PAM: variants seen among roughly 807,000 people sequenced by gnomAD.
PAM encodes the protein peptidyl-glycine alpha-amidating monooxygenase.
In PAM, 72 loss-of-function variants were observed where a neutral mutation model predicts 122.1. The observed-to-expected ratio is 0.59, with a 90% CI of 0.49 to 0.72. The LOEUF (loss-of-function observed/expected upper bound fraction) is 0.72. PAM is among the 30% of genes least tolerant of loss of function. PAM has a pLI of 0.00. For synonymous variants in PAM, 389 were observed against 404.4 expected, an observed-to-expected ratio of 0.96 and a Z score of 0.46; for missense variants, 1,106 against 1,183.7, an observed-to-expected ratio of 0.93 and a Z score of 0.96.
chr5:102,879,451 G>C (rs1790270925), intron 3 of PAM, among the ~76,000 whole-genome samples: 1 of 152,118 alleles, frequency 6.6e-6, no homozygotes, highest in African/African-American at 2.4e-5. Context: ...GTTGGAGGAG[G>C]GGCCTGGTGG....
At chr5:102,898,943 G>A (rs1352032385) in intron 3 of PAM, among the ~76,000 whole-genome samples, 1 of 151,584 alleles carries the variant, frequency 6.6e-6, no homozygotes, top group African/African-American at 2.4e-5. Flanking sequence ...GTAAAATGGT[G>A]TCTGTAATAC....
Position 102,941,464 on chromosome 5 carries a change from A to C in PAM, c.527-5373A>C, listed in dbSNP as rs1361922205. Among the ~76,000 whole-genome samples the C allele has an allele frequency of 2.0e-5, 3 of 152,316 alleles. No homozygotes were observed. In the East Asian group the frequency reaches 5.8e-4, roughly 29 times the overall value. On this transcript the variant is annotated intron_variant, in intron 7 of 25. Coordinates refer to ENST00000438793, the MANE Select transcript of PAM (RefSeq NM_001177306.2). ...AGCACTGAAGGTCATCTGCTAACCC[A>C]GCTTTCAGCAGCCTCCAGGAAAACC...
At chr5:102,878,967 C>T (rs1790095061) in intron 3 of PAM, among the ~76,000 whole-genome samples, 1 of 151,396 alleles carries the variant, frequency 6.6e-6, no homozygotes, top group Admixed American at 6.6e-5. Context: ...CTCGCTCTGT[C>T]GCCCAGGCTG....
At chr5:102,966,299 G>A (rs1340621118) in intron 14 of PAM, among the ~76,000 whole-genome samples, 1 of 152,072 alleles carries the variant, frequency 6.6e-6, no homozygotes. Context: ...TAACGGAATA[G>A]GCAGATGTGA....
Position 102,781,583 on chromosome 5 carries a change from A to G in PAM, c.-374+26235A>G, listed in dbSNP as rs528542576. Among the ~76,000 whole-genome samples, 5 of 152,302 alleles carry G rather than the reference A, an allele frequency of 3.3e-5. No homozygotes were observed. In the South Asian group the frequency reaches 6.2e-4, roughly 19 times the overall value. On this transcript the variant is annotated intron_variant, in intron 1 of 25. Coordinates refer to ENST00000438793, the MANE Select transcript of PAM (RefSeq NM_001177306.2). ...TCCCCTGTGCTGTTCCTTTTACCAC[A>G]TTGCAGTGCTGCTCAGCCAGGCTAT... is the stretch of plus-strand genomic sequence containing the variant.
At chr5:102,954,596 A>C (rs920070357) in intron 12 of PAM, among the ~76,000 whole-genome samples, 1 of 151,988 alleles carries the variant, frequency 6.6e-6, no homozygotes, top group Non-Finnish European at 1.5e-5. Context: ...TATTATATAT[A>C]CTGACAACAT....
At chr5:102,799,568 A>C (rs547469061) in intron 1 of PAM, among the ~76,000 whole-genome samples, 95 of 152,334 alleles carry the variant, frequency 6.2e-4, no homozygotes, top group Non-Finnish European at 1.1e-3. Context: ...TAGGTATAGT[A>C]ATGATATCGA....
intron 1 of PAM, among the ~76,000 whole-genome samples, chr5:102,787,833 A>G (rs1364937807): frequency 3.3e-5 from 5 of 152,002 alleles, no homozygotes; most frequent in Non-Finnish European, 7.4e-5. Context: ...TCTCCCATCT[A>G]TGGAACTGGA....
At chr5:102,814,570 C>CATATATATTGATATATACAT (rs200714590) in intron 1 of PAM, among the ~76,000 whole-genome samples, 20 of 140,360 alleles carry the variant, frequency 1.4e-4, no homozygotes, top group African/African-American at 5.2e-4. Context: ...TAGATATATA[C>CATATATATTGATATATACAT]ATATATTGAT....
intron 1 of PAM, among the ~76,000 whole-genome samples, chr5:102,784,465 C>G (rs1759952946): frequency 6.6e-6 from 1 of 152,176 alleles, no homozygotes; most frequent in African/African-American, 2.4e-5. Flanking sequence ...CCCTGTCCTC[C>G]TCCTTGTACA....
At chr5:102,937,459 G>C (rs1753636074) in intron 7 of PAM, among the ~76,000 whole-genome samples, 2 of 152,146 alleles carry the variant, frequency 1.3e-5, no homozygotes, top group Non-Finnish European at 1.5e-5. Context: ...AAGGGGAAGA[G>C]GTTGAAATGG....
chr5:102,796,126 A>G (rs1763320987), intron 1 of PAM, among the ~76,000 whole-genome samples: 2 of 152,116 alleles, frequency 1.3e-5, no homozygotes, highest in African/African-American at 4.8e-5. Flanking sequence ...TTGTAACAGG[A>G]GGTAATTTGA....
chr5:103,022,486 C>G (rs1783845695), intron 23 of PAM, among the ~76,000 whole-genome samples: 1 of 152,116 alleles, frequency 6.6e-6, no homozygotes, highest in South Asian at 2.1e-4. Context: ...AGGAATGTAG[C>G]TAACCTCCAT....
intron 1 of PAM, among the ~76,000 whole-genome samples, chr5:102,802,063 G>C (rs749414737): frequency 1.3e-5 from 2 of 152,030 alleles, no homozygotes; most frequent in African/African-American, 2.4e-5. Context: ...GATTACAGGC[G>C]TGAGCCACCG....
rs754559996 is a variant in PAM, at chr5:102,942,736, A to ATTTTT, written c.527-4090_527-4086dup. Among the ~76,000 whole-genome samples, 22 of 138,466 alleles carry ATTTTT rather than the reference A, an allele frequency of 1.6e-4. 1 individual carries two copies. The highest frequency in any genetic ancestry group is 1.9e-4 in the Non-Finnish European group (12 of 64,588). 90.8% of individuals were successfully genotyped at this position (138,466 alleles called of 152,430 possible). On this transcript the variant is annotated intron_variant, in intron 7 of 25. Transcript: ENST00000438793. ...AGTCACACGCCAGCATGCCCGGCTA[A>ATTTTT]TTTTTTTTTTTTTTTGTAGAAATGC...
At chr5:102,992,612 G>GT (rs922229288) in intron 16 of PAM, among the ~76,000 whole-genome samples, 22 of 151,728 alleles carry the variant, frequency 1.4e-4, no homozygotes, top group African/African-American at 3.4e-4. Context: ...AGTATATCGG[G>GT]TTTTTTTTGT....
chr5:102,761,632 T>G (rs1388265627), intron 1 of PAM, among the ~76,000 whole-genome samples: 1 of 152,248 alleles, frequency 6.6e-6, no homozygotes, highest in African/African-American at 2.4e-5. Context: ...AAAATAGTAC[T>G]CATTTGTAGT....
At chr5:102,815,199 G>A (rs1769378638) in intron 1 of PAM, among the ~76,000 whole-genome samples, 1 of 152,044 alleles carries the variant, frequency 6.6e-6, no homozygotes, top group Admixed American at 6.6e-5. Context: ...ATGGGGACAA[G>A]TTAGGTAAAA....
At chr5:102,937,606 A>G (rs1403646128) in intron 7 of PAM, among the ~76,000 whole-genome samples, 1 of 152,184 alleles carries the variant, frequency 6.6e-6, no homozygotes, top group Non-Finnish European at 1.5e-5. Flanking sequence ...TCAGAGACAG[A>G]GAACAGAGTT....
Sources: allele counts gnomAD v4.1 joint callset (sites outside exome capture counted in the v4.1 genomes callset), GRCh38; gene constraint gnomAD v4.1.1; transcripts MANE v1.5; gene names NCBI Gene and HGNC (gene_info 2026-07-23, HGNC 2026-07-21).